The following POLR2F variants were observed in gnomAD, a reference collection of about 807,000 sequenced individuals.
POLR2F encodes the protein RNA polymerase II, I and III subunit F, also known as DNA-directed RNA polymerases I, II, and III subunit RPABC2.
In POLR2F, 12 loss-of-function variants were observed where a neutral mutation model predicts 22.7. That is an observed-to-expected ratio of 0.53 (90% CI 0.34 to 0.86). The LOEUF is 0.86. Ranked by LOEUF, POLR2F falls within the 40% of genes least tolerant of loss-of-function variation. POLR2F has a pLI of 0.02. For missense variants in POLR2F, 126 were observed against 171.5 expected, an observed-to-expected ratio of 0.73 and a Z score of 1.48; for synonymous variants, 57 against 66.0, an observed-to-expected ratio of 0.86 and a Z score of 0.66.
intron 1 of POLR2F, among the ~76,000 whole-genome samples, chr22:38,007,093 G>A (rs2145805469): frequency 6.6e-6 from 1 of 152,130 alleles, no homozygotes; most frequent in East Asian, 1.9e-4. Flanking sequence ...GTTGCCTGTG[G>A]TGAGCTGCAG....
intron 1 of POLR2F, among the ~76,000 whole-genome samples, chr22:38,010,844 T>TG (rs369172797): frequency 1.5e-4 from 23 of 152,274 alleles, no homozygotes; most frequent in African/African-American, 5.3e-4. Flanking sequence ...CTCGAACTCC[T>TG]GACTTCAGGT....
At chr22:38,040,731 C>T (rs2085164348) in intron 5 of POLR2F, 3 of 398,908 alleles carry the variant, frequency 7.5e-6, no homozygotes, top group African/African-American at 2.0e-5. Flanking sequence ...TGTGGGGGTC[C>T]TTCAGCTTCA....
intron 1 of POLR2F, among the ~76,000 whole-genome samples, chr22:37,993,845 T>C (rs1391860693): frequency 6.6e-6 from 1 of 152,030 alleles, no homozygotes; most frequent in East Asian, 1.9e-4. Context: ...AAAAATTAGC[T>C]GGGCATGGTG....
chr22:38,027,199 C>T (rs1192401462), downstream of POLR2F, among the ~76,000 whole-genome samples: 1 of 152,188 alleles, frequency 6.6e-6, no homozygotes, highest in African/African-American at 2.4e-5. Flanking sequence ...TTCATTCATT[C>T]ATCAACTAGT....
intron 5 of POLR2F, among the ~76,000 whole-genome samples, chr22:38,033,850 G>T (rs550849242): frequency 6.6e-6 from 1 of 152,160 alleles, no homozygotes; most frequent in Non-Finnish European, 1.5e-5. Flanking sequence ...TCCTGTGCTC[G>T]CTGGGAGAGG....
At chr22:37,986,157 C>T (rs1172019072), upstream of POLR2F, 3 of 1,532,808 alleles carry the variant, frequency 2.0e-6, no homozygotes, top group South Asian at 3.6e-5. The surrounding 1 kb of genome is among the most constrained non-coding windows in gnomAD (Gnocchi z 4.7). Context: ...TTAACAGCGC[C>T]CGCTCGGCCT....
In POLR2F at chr22:37,966,671, AG is replaced by A. The variant is rs564235182; in HGVS notation, c.222-426del. ...GTGGTGTATGCCTGTAGTCCCAAGC[AG>A]GAGAATTGCTTGAGCCTGGGAGGTG... On this transcript the variant is annotated intron_variant, in intron 3 of 4. Coordinates refer to ENST00000442738, the MANE Select transcript of POLR2F (RefSeq NM_021974.5). Among the ~76,000 whole-genome samples, 268 of 152,200 alleles carry A rather than the reference AG, an allele frequency of 1.8e-3. 2 individuals carry two copies. Among genetic ancestry groups the A allele is most frequent in the Non-Finnish European group, 3.0e-3 (207 of 67,994 alleles).
intron 2 of POLR2F, among the ~76,000 whole-genome samples, chr22:37,958,717 G>A (rs1931503561): frequency 6.6e-6 from 1 of 152,038 alleles, no homozygotes; most frequent in African/African-American, 2.4e-5. Flanking sequence ...TGTGAGTGAG[G>A]TGTCCCCACC....
In POLR2F at chr22:37,974,609, T is replaced by G. The variant is rs1337876952; in HGVS notation, c.293+7439T>G. Among the ~76,000 whole-genome samples, 1 of 152,186 alleles carries G rather than the reference T, an allele frequency of 6.6e-6. No homozygotes were observed. The highest frequency in any genetic ancestry group is 1.5e-5 in the Non-Finnish European group (1 of 68,022). On this transcript the variant is annotated intron_variant, in intron 4 of 4. Coordinates refer to the POLR2F transcript ENST00000405557. This position sits in a 1 kb window ranked among gnomAD's most constrained non-coding sequence, Gnocchi z 5.4. ...CTCAGGTGATCCACCTGCCTCGGCCTCCCAAAGTGCTGGGATTACCATCAT... is the reference window on the plus strand; with the variant it reads ...CTCAGGTGATCCACCTGCCTCGGCCGCCCAAAGTGCTGGGATTACCATCAT...
At chr22:37,975,165 T>G (rs1382865676) in intron 4 of POLR2F, among the ~76,000 whole-genome samples, 1 of 152,226 alleles carries the variant, frequency 6.6e-6, no homozygotes. Flanking sequence ...TAGGGAGCAT[T>G]ACAAAATGCC....
intron 2 of POLR2F, 88 bp from the exon 3 acceptor site, chr22:37,959,258 C>T (rs1355776309): frequency 1.2e-5 from 17 of 1,392,804 alleles, no homozygotes; most frequent in South Asian, 5.0e-5. Flanking sequence ...GTGGCTGTAG[C>T]GAGAATTGTG....
intron 1 of POLR2F, among the ~76,000 whole-genome samples, chr22:38,015,000 G>T (rs190422615): frequency 2.0e-5 from 3 of 151,696 alleles, no homozygotes; most frequent in African/African-American, 4.8e-5. Flanking sequence ...TAGAGACGAG[G>T]TTTCACCATG....
chr22:37,961,741 C>G (rs1931648537), intron 3 of POLR2F, among the ~76,000 whole-genome samples: 1 of 152,118 alleles, frequency 6.6e-6, no homozygotes. Flanking sequence ...CCAGGCTCAC[C>G]TGTCAGAATA....
chr22:38,041,147 G>C, downstream of POLR2F: 1 of 1,612,250 alleles, frequency 6.2e-7, no homozygotes, highest in Non-Finnish European at 8.5e-7. Context: ...TGGAATGCCA[G>C]AGCCAGGCTG....
chr22:37,976,203 A>G (rs775285068), intron 4 of POLR2F, among the ~76,000 whole-genome samples: 2 of 152,220 alleles, frequency 1.3e-5, no homozygotes, highest in Non-Finnish European at 2.9e-5. Flanking sequence ...AGCCTGGGCA[A>G]CAGAGCAAGA....
chr22:37,970,608 A>AAAG (rs1387292326), downstream of POLR2F: 3 of 149,714 alleles, frequency 2.0e-5, no homozygotes, highest in East Asian at 5.8e-4. Context: ...TCCATCTAAA[A>AAAG]AAAAAAAAAA....
chr22:38,006,712 A>G (rs1312215967), intron 1 of POLR2F, among the ~76,000 whole-genome samples: 1 of 152,186 alleles, frequency 6.6e-6, no homozygotes, highest in East Asian at 1.9e-4. Flanking sequence ...GGAGGCAGCA[A>G]CGGGGGAAGG....
intron 1 of POLR2F, among the ~76,000 whole-genome samples, chr22:38,013,761 T>A (rs1247112942): frequency 6.6e-6 from 1 of 152,192 alleles, no homozygotes; most frequent in Non-Finnish European, 1.5e-5. Flanking sequence ...AAATTTCATG[T>A]TTTGTGATGT....
chr22:38,041,913 CAAGAGAGAGAGAAAG>C (rs2085175660), downstream of POLR2F: 1 of 152,146 alleles, frequency 6.6e-6, no homozygotes, highest in Non-Finnish European at 1.5e-5. Flanking sequence ...TATCAAAAAG[CAAGAGAGAGAGAAAG>C]AGAATATTTG....
Sources: allele counts gnomAD v4.1 joint callset (sites outside exome capture counted in the v4.1 genomes callset), GRCh38; gene constraint gnomAD v4.1.1; non-coding constraint Gnocchi (gnomAD v3.1); transcripts MANE v1.5; gene names NCBI Gene and HGNC (gene_info 2026-07-23, HGNC 2026-07-21).